DNAJA4: variants seen among roughly 807,000 people sequenced by gnomAD.
DNAJA4 encodes the protein dnaJ homolog subfamily A member 4.
In DNAJA4, 32 loss-of-function variants were observed where a neutral mutation model predicts 39.7. That is an observed-to-expected ratio of 0.81 (90% CI 0.61 to 1.08). DNAJA4 has a LOEUF of 1.08. Among genes scored for constraint, DNAJA4 ranks in the 50% least tolerant of loss-of-function variants. The pLI, the probability that DNAJA4 is intolerant of heterozygous loss-of-function variation, is 0.00. For missense variants in DNAJA4, 439 were observed against 505.1 expected (o/e 0.87, Z 1.25); for synonymous variants, 184 against 182.4 (o/e 1.01, Z -0.07).
chr15:78,274,617 A>AACATAC, intron 4 of DNAJA4, 193 bp downstream of exon 4: 1 of 611,194 alleles, frequency 1.6e-6, no homozygotes. Context: ...TCACCTGCCA[A>AACATAC]AGTGTTCTTG....
intron 1 of DNAJA4, among the ~76,000 whole-genome samples, chr15:78,267,484 T>G (rs1401054541): frequency 6.6e-6 from 1 of 151,434 alleles, no homozygotes; most frequent in Admixed American, 6.6e-5. Flanking sequence ...TTGTTTTTTG[T>G]TTTTTTTGCA....
At chr15:78,267,027 T>G (rs2049140595) in intron 1 of DNAJA4, among the ~76,000 whole-genome samples, 1 of 152,106 alleles carries the variant, frequency 6.6e-6, no homozygotes, top group Admixed American at 6.5e-5. Flanking sequence ...GGCTGTAGAG[T>G]TCCCCAGAGA....
intron 5 of DNAJA4, among the ~76,000 whole-genome samples, chr15:78,276,928 CT>C (rs1265961752): frequency 6.6e-6 from 1 of 152,182 alleles, no homozygotes; most frequent in African/African-American, 2.4e-5. Context: ...GCCTTGTGCT[CT>C]TTTTCTCTTT....
At chr15:78,270,219 C>A in intron 1 of DNAJA4, 1 of 293,294 alleles carries the variant, frequency 3.4e-6, no homozygotes. Context: ...TCTGGTGCAG[C>A]CGGATTAGTG....
At chr15:78,270,743 C>T in intron 2 of DNAJA4, 66 bp downstream of exon 2, 2 of 1,524,830 alleles carry the variant, frequency 1.3e-6, no homozygotes, top group South Asian at 2.5e-5. Context: ...TTGTTGGAAT[C>T]AGGATAGATC....
upstream of DNAJA4, chr15:78,264,200 C>T (rs1429009968): frequency 5.4e-6 from 4 of 740,238 alleles, no homozygotes; most frequent in Non-Finnish European, 7.7e-6. Flanking sequence ...GCCGCCTACT[C>T]TCCAGCCAGC....
rs779468072 is a variant in DNAJA4 at position 78,270,656 on chromosome 15, C to T, written c.292C>T (p.Arg98Trp). The change falls in exon 2 of 7, where the codon CGG (arginine) becomes TGG (tryptophan). Residue 98 changes from arginine (R) to tryptophan (W), a missense_variant. Physicochemically the swap from Arg to Trp is moderately radical, Grantham distance 101. Coordinates refer to ENST00000394852, the MANE Select transcript of DNAJA4 (RefSeq NM_001130182.2). ...TGACATGTTCTTTGGTGGTGGTGGA[C>T]GGATGGCTAGAGAGAGAAGAGGTAA... ...IFDMFFGGGG[R>W]MARERRGKNV... 64 of 1,613,620 alleles carry T rather than the reference C, an allele frequency of 4.0e-5. No homozygotes were observed. The Admixed American group carries it at 5.5e-4, about 14-fold the overall frequency.
upstream of DNAJA4, chr15:78,264,206 C>T (rs1033039292): frequency 1.4e-5 from 11 of 782,824 alleles, no homozygotes; most frequent in Non-Finnish European, 1.8e-5. Flanking sequence ...TACTCTCCAG[C>T]CAGCCGGCTC....
chr15:78,276,901 C>T (rs978814468), intron 5 of DNAJA4, among the ~76,000 whole-genome samples: 1 of 152,228 alleles, frequency 6.6e-6, no homozygotes, highest in East Asian at 1.9e-4. Context: ...CCCTCCTTGT[C>T]TGCTTTTCTC....
intron 1 of DNAJA4, chr15:78,270,267 C>G (rs1188039500): frequency 2.4e-5 from 11 of 461,562 alleles, no homozygotes; most frequent in Non-Finnish European, 4.3e-5. Context: ...CTCCCTTATT[C>G]TTATCGTGTC....
At position 78,280,462 on chromosome 15, in the gene DNAJA4, G is replaced by A. The variant is rs769560998; in HGVS notation, c.*2G>A. The A allele has an allele frequency of 5.6e-6, 9 of 1,605,754 alleles. No homozygotes were observed. Among genetic ancestry groups the A allele is most frequent in the African/African-American group, 5.3e-5 (4 of 74,846 alleles). On this transcript the variant is annotated 3_prime_UTR_variant, in exon 7 of 7. Coordinates refer to ENST00000394852, the MANE Select transcript of DNAJA4 (RefSeq NM_001130182.2). ...GGAGTGCAGTGCCAGACGGCATGAC[G>A]TGGTGCGGGGCAGCGTGGCCCCACC... is the stretch of plus-strand genomic sequence containing the variant.
At chr15:78,272,637 G>T (rs373117975) in intron 2 of DNAJA4, among the ~76,000 whole-genome samples, 6 of 152,342 alleles carry the variant, frequency 3.9e-5, no homozygotes, top group African/African-American at 1.4e-4. Context: ...TTGGCCACCG[G>T]TTACAGAAGG....
chr15:78,264,433 G>C, upstream of DNAJA4: 1 of 1,338,034 alleles, frequency 7.5e-7, no homozygotes, highest in Non-Finnish European at 9.5e-7. Flanking sequence ...TCGGGGGTCT[G>C]GGCCGCGAAC....
rs775918103 is a variant in DNAJA4 at position 78,270,484 on chromosome 15, C to T, written c.133-13C>T. 1.2e-6 allele frequency: 2 copies of T among 1,600,082 alleles called. No homozygotes were observed. Among genetic ancestry groups the T allele is most frequent in the African/African-American group, 2.7e-5 (2 of 74,050 alleles). ...AACTTCTCTAAAAATCTCTCTCTCT[C>T]TCTCTTTTAAAGTTTAAACTCATAT... On this transcript the variant is annotated splice_polypyrimidine_tract_variant and intron_variant, in intron 1 of 6. Transcript: ENST00000394852.
At chr15:78,265,845 C>G (rs1313982652) in intron 1 of DNAJA4, 2 of 607,782 alleles carry the variant, frequency 3.3e-6, no homozygotes, top group Non-Finnish European at 5.8e-6. Flanking sequence ...ACGTTTGAAA[C>G]CACACCAATC....
chr15:78,267,662 T>C (rs889118211), intron 1 of DNAJA4, among the ~76,000 whole-genome samples: 3 of 152,160 alleles, frequency 2.0e-5, no homozygotes, highest in African/African-American at 7.2e-5. Context: ...AATCAGAACA[T>C]AGCAAACCAT....
chr15:78,269,176 C>A (rs2049226231), intron 1 of DNAJA4, among the ~76,000 whole-genome samples: 1 of 152,152 alleles, frequency 6.6e-6, no homozygotes, highest in Admixed American at 6.5e-5. Context: ...CTTTTACTCC[C>A]AGTGACGTGG....
At position 78,280,418 on chromosome 15, in the gene DNAJA4, C is replaced by G. The variant is rs764866076; in HGVS notation, c.1152C>G (p.Asp384Glu). The change falls in exon 7 of 7, where the codon GAC becomes GAG. Residue 384 changes from aspartate to glutamate, a missense_variant. By Grantham distance (45) the Asp-to-Glu change is conservative. Transcript: ENST00000394852. ...WRQHREAYEE[D>E]EDGPQAGVQC... is the part of the protein sequence containing the mutation. ...AGCACAGGGAGGCCTACGAGGAGGACGAAGACGGGCCCCAGGCTGGAGTGC... is the reference window on the plus strand; with the variant it reads ...AGCACAGGGAGGCCTACGAGGAGGAGGAAGACGGGCCCCAGGCTGGAGTGC... 1 of 1,613,590 alleles carries G rather than the reference C, an allele frequency of 6.2e-7. No individual in the cohort carries two copies. Among genetic ancestry groups the G allele is most frequent in the South Asian group, 1.1e-5 (1 of 91,020 alleles).
chr15:78,267,136 ATGTGAGTGTGTG>A (rs1439507151), intron 1 of DNAJA4, among the ~76,000 whole-genome samples: 6 of 103,168 alleles, frequency 5.8e-5, no homozygotes, highest in Non-Finnish European at 1.0e-4. Context: ...GTGAGTGTGT[ATGTGAGTGTGTG>A]TGTGAGTGTG....
Sources: allele counts gnomAD v4.1 joint callset (sites outside exome capture counted in the v4.1 genomes callset), GRCh38; gene constraint gnomAD v4.1.1; transcripts MANE v1.5; gene names NCBI Gene and HGNC (gene_info 2026-07-23, HGNC 2026-07-21).